The following SLC17A4 variants were observed in gnomAD, a reference collection of about 807,000 sequenced individuals.
SLC17A4 encodes solute carrier family 17 member 4, also known as probable small intestine urate exporter.
SLC17A4 carries 33 observed loss-of-function variants against 52.5 expected under a neutral mutation model. That is an observed-to-expected ratio of 0.63 (90% CI 0.48 to 0.84). The LOEUF is 0.84. Among genes scored for constraint, SLC17A4 ranks in the 40% least tolerant of loss-of-function variants. The pLI is 0.00. For synonymous variants in SLC17A4, 225 were observed against 216.2 expected, an observed-to-expected ratio of 1.04 and a Z score of -0.36; for missense variants, 585 against 597.1, an observed-to-expected ratio of 0.98 and a Z score of 0.21.
chr6:25,778,165 T>G, intron 11 of SLC17A4, 149 bp downstream of exon 11: 2 of 584,668 alleles, frequency 3.4e-6, no homozygotes, highest in Non-Finnish European at 6.0e-6. Context: ...TTAAAGAAAC[T>G]TAAGATTCTT....
chr6:25,773,655 T>G lies in SLC17A4; in HGVS notation c.968T>G (p.Leu323Arg). ...ACACCAACGTACATCAGCTCGGTAC[T>G]TCAAGCCAACCTCAGAGATGTAAGT... ...AYTPTYISSV[L>R]QANLRDSGIL... is the part of the protein sequence containing the mutation. Residue 323 changes from leucine (L) to arginine (R), a missense_variant, in exon 8 of 12, where the codon CTT becomes CGT. Physicochemically the swap from Leu to Arg is moderately radical, Grantham distance 102. Coordinates refer to ENST00000377905, the MANE Select transcript of SLC17A4 (RefSeq NM_005495.3). 6.2e-7 allele frequency: 1 copy of G among 1,613,496 alleles called. No homozygotes were observed. Among genetic ancestry groups the G allele is most frequent in the Non-Finnish European group, 8.5e-7 (1 of 1,179,662 alleles).
Position 25,779,355 on chromosome 6 carries a change from C to A in SLC17A4, c.*167C>A. On this transcript the variant is annotated 3_prime_UTR_variant, in exon 12 of 12. Transcript: ENST00000377905. ...AAATTTTACAGGGGAAGAAAACACG[C>A]TAGTTATTTAACTGCAAGCTACTAA... 1.2e-6 allele frequency: 1 copy of A among 850,548 alleles called. No individual in the cohort carries two copies. Among genetic ancestry groups the A allele is most frequent in the Non-Finnish European group, 1.8e-6 (1 of 566,282 alleles). 52.7% of individuals were successfully genotyped at this position (850,548 alleles called of 1,614,324 possible).
intron 6 of SLC17A4, among the ~76,000 whole-genome samples, chr6:25,771,464 C>T (rs891405738): frequency 2.6e-5 from 4 of 151,760 alleles, no homozygotes; most frequent in African/African-American, 9.7e-5. Flanking sequence ...ATCCCAGCTA[C>T]TCGGGAGGCT....
At chr6:25,760,889 T>G (rs1761475083) in intron 1 of SLC17A4, among the ~76,000 whole-genome samples, 1 of 152,216 alleles carries the variant, frequency 6.6e-6, no homozygotes, top group Non-Finnish European at 1.5e-5. Flanking sequence ...ACTTACATAA[T>G]GTCTTTGTCA....
Position 25,776,827 on chromosome 6 carries a change from C to A in SLC17A4, c.1136C>A (p.Ser379Tyr). Reference sequence around the variant, plus strand: ...CCTACCCCAGGGGTTCTCTTCCCATCCGTGATCCTCGTGTCCCTGCCCTGG... The same window carrying A: ...CCTACCCCAGGGGTTCTCTTCCCATACGTGATCCTCGTGTCCCTGCCCTGG... ...LFTAIGVLFPSVILVSLPWVR... is the reference protein window; with the variant it reads ...LFTAIGVLFPYVILVSLPWVR... Residue 379 changes from serine (S) to tyrosine (Y), a missense_variant, in exon 10 of 12, where the codon TCC becomes TAC. Ser to Tyr is a moderately radical substitution (Grantham distance 144). Coordinates refer to ENST00000377905, the MANE Select transcript of SLC17A4 (RefSeq NM_005495.3). The A allele has an allele frequency of 1.9e-6, 3 of 1,613,998 alleles. No individual in the cohort carries two copies. The South Asian group carries it at 3.3e-5, about 18-fold the overall frequency.
At chr6:25,760,777 T>A (rs1346016971) in intron 1 of SLC17A4, among the ~76,000 whole-genome samples, 1 of 152,202 alleles carries the variant, frequency 6.6e-6, no homozygotes, top group Non-Finnish European at 1.5e-5. Flanking sequence ...TGCCTAATTT[T>A]TTTTGTATTT....
At chr6:25,767,899 A>G (rs1451865898) in intron 2 of SLC17A4, among the ~76,000 whole-genome samples, 2 of 152,206 alleles carry the variant, frequency 1.3e-5, no homozygotes, top group Non-Finnish European at 2.9e-5. Context: ...GCTGATGAAT[A>G]TGATAGGAAA....
At chr6:25,761,678 AT>A (rs894181573) in intron 1 of SLC17A4, among the ~76,000 whole-genome samples, 3 of 152,178 alleles carry the variant, frequency 2.0e-5, no homozygotes, top group African/African-American at 4.8e-5. Context: ...GGATATTACA[AT>A]TTATGAAGGC....
In SLC17A4 at chr6:25,769,139, CA is replaced by C. The variant is rs868273635; in HGVS notation, c.247del (p.Thr83LeufsTer11). On this transcript the variant is annotated frameshift_variant, in exon 3 of 12. Transcript: ENST00000377905. LOFTEE classifies it high-confidence loss of function. ...CCAATGCTTCCACAGAACGGCCCTCCACTGACTCCCAGGGCTACTGGAATGA... is the reference window on the plus strand; with the variant it reads ...CCAATGCTTCCACAGAACGGCCCTCCCTGACTCCCAGGGCTACTGGAATGA... Reference protein sequence around the residue: ...QPNASTERPSTDSQGYWNETL... With the variant: ...QPNASTERPSXDSQGYWNETL... 35 of 1,614,108 alleles carry C rather than the reference CA, an allele frequency of 2.2e-5. No homozygotes were observed. Among genetic ancestry groups the C allele is most frequent in the Non-Finnish European group, 2.9e-5 (34 of 1,179,996 alleles).
intron 8 of SLC17A4, among the ~76,000 whole-genome samples, chr6:25,775,344 G>A (rs1213544351): frequency 7.9e-5 from 9 of 113,336 alleles, no homozygotes; most frequent in African/African-American, 2.5e-4. Flanking sequence ...AAAAAAAATA[G>A]AAAGACTGAA....
rs116471288 is a variant in SLC17A4 at position 25,773,263 on chromosome 6, C to T, written c.707-12C>T. 3 of 1,603,828 alleles carry T rather than the reference C, an allele frequency of 1.9e-6. No homozygotes were observed. The African/African-American group carries it at 4.0e-5, about 21-fold the overall frequency. ...CAATCCATCCAGTGCTAACTGGATCCCCTTTTCCTAGGAGGAATTGGCTGT... is the reference window on the plus strand; with the variant it reads ...CAATCCATCCAGTGCTAACTGGATCTCCTTTTCCTAGGAGGAATTGGCTGT... On this transcript the variant is annotated splice_polypyrimidine_tract_variant and intron_variant, in intron 6 of 11. Transcript: ENST00000377905.
At chr6:25,771,128 G>A in intron 6 of SLC17A4, 116 bp downstream of exon 6, 6 of 825,854 alleles carry the variant, frequency 7.3e-6, no homozygotes, top group Non-Finnish European at 1.2e-5. Context: ...AGCTGGTAGT[G>A]TTCAGAGCCA....
chr6:25,756,815 C>T (rs941259000), intron 1 of SLC17A4, among the ~76,000 whole-genome samples: 31 of 152,276 alleles, frequency 2.0e-4, no homozygotes, highest in Non-Finnish European at 2.6e-4. Context: ...AATGAACTTG[C>T]GGCCAGTGAA....
rs1305562217 is a variant in SLC17A4 at position 25,776,850 on chromosome 6, T to C, written c.1159T>C (p.Trp387Arg). The C allele has an allele frequency of 3.1e-6, 5 of 1,614,032 alleles. No homozygotes were observed. The highest frequency in any genetic ancestry group is 4.2e-6 in the Non-Finnish European group (5 of 1,179,914). Residue 387 changes from tryptophan to arginine, a missense_variant, in exon 10 of 12, where the codon TGG (tryptophan) becomes CGG (arginine). Coordinates refer to ENST00000377905, the MANE Select transcript of SLC17A4 (RefSeq NM_005495.3). ...FPSVILVSLP[W>R]VRSSHSMTMT... Reference sequence around the variant, plus strand: ...ATCCGTGATCCTCGTGTCCCTGCCCTGGGTCAGATCCAGCCACAGCATGAC... The same window carrying C: ...ATCCGTGATCCTCGTGTCCCTGCCCCGGGTCAGATCCAGCCACAGCATGAC...
At chr6:25,778,973 G>A (rs1763162603) in intron 11 of SLC17A4, 81 bp from the exon 12 acceptor site, 2 of 1,566,790 alleles carry the variant, frequency 1.3e-6, no homozygotes, top group Non-Finnish European at 1.7e-6. Context: ...GGGAGCAGGA[G>A]GACACAGAGC....
intron 1 of SLC17A4, among the ~76,000 whole-genome samples, chr6:25,755,355 A>G (rs16890999): frequency 0.24 from 36,140 of 152,090 alleles, 4,896 homozygotes; most frequent in Non-Finnish European, 0.3. Context: ...AGTTTAGGGC[A>G]GAGGACTTTA....
Position 25,758,352 on chromosome 6 carries a change from C to T in SLC17A4, c.-37+3571C>T, listed in dbSNP as rs144795727. On this transcript the variant is annotated intron_variant, in intron 1 of 11. Coordinates refer to ENST00000377905, the MANE Select transcript of SLC17A4 (RefSeq NM_005495.3). ...ACATTCTCACCTTTTTCATCTCAGC[C>T]TACCTGTGTCCCTGAAATTTATTTT... Among the ~76,000 whole-genome samples the T allele has an allele frequency of 6.5e-3, 997 of 152,298 alleles. 12 individuals carry two copies. Among genetic ancestry groups the T allele is most frequent in the African/African-American group, 0.022 (910 of 41,568 alleles).
At position 25,780,533 on chromosome 6, in the gene SLC17A4, T is replaced by C. The variant is rs529208492; in HGVS notation, c.*1345T>C. On this transcript the variant is annotated 3_prime_UTR_variant, in exon 12 of 12. Transcript: ENST00000377905. ...AAAGTTTCATGGCAGGAGGGAGAAA[T>C]TAGCTATGGCCAGAGTATAGAGAAT... is the stretch of plus-strand genomic sequence containing the variant. 10 of 152,174 alleles carry C rather than the reference T, an allele frequency of 6.6e-5. No individual in the cohort carries two copies. Among genetic ancestry groups the C allele is most frequent in the Non-Finnish European group, 1.3e-4 (9 of 68,016 alleles). 9.4% of individuals were successfully genotyped at this position (152,174 alleles called of 1,614,324 possible).
In SLC17A4 at chr6:25,781,071, GCATGGATGAGTCATC is replaced by G. The variant is rs1020133263; in HGVS notation, c.*1889_*1903del. 2.0e-5 allele frequency: 3 copies of G among 151,992 alleles called. No individual in the cohort carries two copies. The highest frequency in any genetic ancestry group is 7.3e-5 in the African/African-American group (3 of 41,376). The allele number at this position is 151,992 out of a possible 1,614,324, so 9.4% of individuals were successfully genotyped here. A position where few individuals can be genotyped will look rare whatever the true frequency, so the allele number is the denominator to read the frequency against. The stretch of plus-strand genomic sequence containing the variant: ...GATATAGGTAGTGATTACAATTTTT[GCATGGATGAGTCATC>G]CATGGGTGAAAGTGGCATAAGAAAA... On this transcript the variant is annotated 3_prime_UTR_variant, in exon 12 of 12. Coordinates refer to ENST00000377905, the MANE Select transcript of SLC17A4 (RefSeq NM_005495.3).
Sources: allele counts gnomAD v4.1 joint callset (sites outside exome capture counted in the v4.1 genomes callset), GRCh38; gene constraint gnomAD v4.1.1; transcripts MANE v1.5; gene names NCBI Gene and HGNC (gene_info 2026-07-23, HGNC 2026-07-21).